EIF2B4: variants seen among roughly 807,000 people sequenced by gnomAD.
The protein encoded by EIF2B4 is translation initiation factor eIF2B subunit delta.
EIF2B4 carries 34 observed loss-of-function variants against 66.7 expected under a neutral mutation model. The observed-to-expected ratio is 0.51, with a 90% CI of 0.39 to 0.68. The LOEUF is 0.68. Among genes scored for constraint, EIF2B4 ranks in the 30% least tolerant of loss-of-function variants. The pLI, the probability that EIF2B4 is intolerant of heterozygous loss-of-function variation, is 0.00. For synonymous variants in EIF2B4, 278 were observed against 253.6 expected, an observed-to-expected ratio of 1.10 and a Z score of -0.92; for missense variants, 618 against 657.9, an observed-to-expected ratio of 0.94 and a Z score of 0.66.
In EIF2B4 at chr2:27,369,419, C is replaced by T; in HGVS notation, c.206G>A (p.Cys69Tyr). ...ETGSAVSAAQ[C>Y]QVGPTRELPE... Reference sequence around the variant, plus strand: ...AAAAGAGACCCCTCACTCACCTTGACATTGGGCTGCAGATACAGCAGAGCC... The same window carrying T: ...AAAAGAGACCCCTCACTCACCTTGATATTGGGCTGCAGATACAGCAGAGCC... Residue 69 changes from cysteine (C) to tyrosine (Y), a missense_variant, in exon 3 of 13, where the codon TGT (cysteine) becomes TAT (tyrosine). Transcript: ENST00000347454. The T allele has an allele frequency of 6.2e-7, 1 of 1,614,132 alleles. No homozygotes were observed. The highest frequency in any genetic ancestry group is 8.5e-7 in the Non-Finnish European group (1 of 1,180,024).
chr2:27,366,905 C>A lies in EIF2B4; in HGVS notation c.1045G>T (p.Ala349Ser). ...SSLVSRILQE[A>S]WTEGRRFRVV... Reference sequence around the variant, plus strand: ...CGAAACCGCCGGCCCTCTGTCCAAGCCTCCTGAAGAATTCGTGATACCAGA... The same window carrying A: ...CGAAACCGCCGGCCCTCTGTCCAAGACTCCTGAAGAATTCGTGATACCAGA... Residue 349 changes from alanine (A) to serine (S), a missense_variant, in exon 11 of 13, where the codon GCT becomes TCT. Transcript: ENST00000347454. 1.2e-6 allele frequency: 2 copies of A among 1,614,162 alleles called. No individual in the cohort carries two copies. Among genetic ancestry groups the A allele is most frequent in the Non-Finnish European group, 1.7e-6 (2 of 1,180,038 alleles).
intron 1 of EIF2B4, 35 bp from the exon 2 acceptor site, chr2:27,369,954 G>GA (rs762306812): frequency 1.9e-6 from 3 of 1,560,822 alleles, no homozygotes; most frequent in Non-Finnish European, 2.6e-6. Context: ...GTGAGCCAGA[G>GA]AGACTCCGGG....
intron 5 of EIF2B4, 70 bp from the exon 6 acceptor site, chr2:27,368,533 G>A: frequency 6.4e-7 from 1 of 1,559,514 alleles, no homozygotes; most frequent in Non-Finnish European, 8.8e-7. Context: ...TGGAAAGGAA[G>A]TGAACAGTAA....
intron 6 of EIF2B4, 101 bp downstream of exon 6, chr2:27,368,271 C>A: frequency 2.9e-6 from 4 of 1,359,432 alleles, no homozygotes; most frequent in Non-Finnish European, 4.2e-6. Context: ...TGGGTTCATA[C>A]TTTTTCCTAC....
At chr2:27,369,630 C>A in intron 2 of EIF2B4, 81 bp from the exon 3 acceptor site, 1 of 1,607,080 alleles carries the variant, frequency 6.2e-7, no homozygotes, top group South Asian at 1.1e-5. Flanking sequence ...ACAAGATTTC[C>A]ACATGGTTAA....
intron 5 of EIF2B4, 27 bp from the exon 6 acceptor site, chr2:27,368,490 A>G: frequency 1.3e-6 from 2 of 1,598,112 alleles, no homozygotes; most frequent in African/African-American, 1.3e-5. Flanking sequence ...AACAGGACCA[A>G]TGGCCCAGAG....
intron 7 of EIF2B4, 99 bp from the exon 8 acceptor site, chr2:27,367,921 G>A (rs1353436216): frequency 1.4e-6 from 2 of 1,474,966 alleles, no homozygotes; most frequent in Non-Finnish European, 1.9e-6. Context: ...TCTGAGGGTA[G>A]GAGTATTCCC....
At chr2:27,369,785 C>A in intron 2 of EIF2B4, 91 bp downstream of exon 2, 1 of 1,491,414 alleles carries the variant, frequency 6.7e-7, no homozygotes. Flanking sequence ...GAGAAATAAA[C>A]CGACACGGGA....
intron 6 of EIF2B4, 114 bp downstream of exon 6, chr2:27,368,258 C>T (rs1572606943): frequency 2.3e-6 from 3 of 1,321,574 alleles, no homozygotes; most frequent in Non-Finnish European, 3.2e-6. Context: ...TACAGTTCTG[C>T]CTTGGGTTCA....
In EIF2B4 at chr2:27,369,185, G is replaced by A. The variant is rs763729559; in HGVS notation, c.239C>T (p.Ser80Leu). ...CCGAGGAGTGCCCAACTGAATGCCC[G>A]ATTCTGGCAGTTCTCTGGTTGGGCC... Reference protein sequence around the residue: ...QVGPTRELPESGIQLGTPREK... With the variant: ...QVGPTRELPELGIQLGTPREK... The change falls in exon 4 of 13, where the codon TCG (serine) becomes TTG (leucine). Residue 80 changes from serine (S) to leucine (L), a missense_variant. This residue lies in a region of EIF2B4 where 506 missense variants were observed against 511.9 expected (regional missense o/e 0.99). Transcript: ENST00000347454. 2.5e-5 allele frequency: 41 copies of A among 1,612,372 alleles called. No individual in the cohort carries two copies. The highest frequency in any genetic ancestry group is 3.4e-5 in the Non-Finnish European group (40 of 1,179,938).
At chr2:27,368,540 G>A (rs1053334796) in intron 5 of EIF2B4, 77 bp from the exon 6 acceptor site, 2 of 1,551,430 alleles carry the variant, frequency 1.3e-6, no homozygotes, top group African/African-American at 1.4e-5. Flanking sequence ...GAAGTGAACA[G>A]TAAGACTACT....
intron 8 of EIF2B4, 62 bp from the exon 9 acceptor site, chr2:27,367,621 A>T: frequency 6.2e-7 from 1 of 1,601,268 alleles, no homozygotes; most frequent in Non-Finnish European, 8.6e-7. Flanking sequence ...AAGCCTTCAC[A>T]TTTAAAAAAA....
Position 27,367,113 on chromosome 2 carries a change from T to C in EIF2B4, c.974A>G (p.Gln325Arg). The C allele has an allele frequency of 5.6e-6, 9 of 1,614,244 alleles. No homozygotes were observed. Among genetic ancestry groups the C allele is most frequent in the Non-Finnish European group, 7.6e-6 (9 of 1,180,046 alleles). ...AAQAISRFAY[Q>R]KISNGDVILV... is the part of the protein sequence containing the mutation. ...GATCACATCTCCATTACTGATCTTC[T>C]GGTAAGCAAAGCGTGAAATTGCCTG... Residue 325 changes from glutamine to arginine, a missense_variant, in exon 10 of 13, where the codon CAG (glutamine) becomes CGG (arginine). Gln to Arg is a conservative substitution (Grantham distance 43). Around this residue, in one of 4 missense-constraint regions of EIF2B4, gnomAD observed 506 missense variants for 511.9 expected, o/e 0.99. Transcript: ENST00000347454.
At position 27,367,568 on chromosome 2, in the gene EIF2B4, C is replaced by A. The variant is rs751447134; in HGVS notation, c.783-9G>T. On this transcript the variant is annotated splice_polypyrimidine_tract_variant and intron_variant, in intron 8 of 12. Coordinates refer to ENST00000347454, the MANE Select transcript of EIF2B4 (RefSeq NM_001034116.2). ...GGCACTGAGTCAGGAAGCTATAATA[C>A]AACAGCAATACCTTATATCTGCGCA... The A allele has an allele frequency of 6.2e-7, 1 of 1,613,760 alleles. No individual in the cohort carries two copies.
chr2:27,366,470 G>C, intron 11 of EIF2B4: 1 of 439,820 alleles, frequency 2.3e-6, no homozygotes, highest in East Asian at 4.7e-5. Flanking sequence ...AACTGCTTGA[G>C]CCCAGGAGTT....
In EIF2B4 at chr2:27,364,469, G is replaced by A; in HGVS notation, c.1503C>T (p.Ile501=). The A allele has an allele frequency of 1.2e-6, 2 of 1,614,108 alleles. No homozygotes were observed. The highest frequency in any genetic ancestry group is 1.7e-6 in the Non-Finnish European group (2 of 1,180,018). ...TGCAAGGGATCATCCCCAGCTCCGT[G>A]ATCACCAGATCCACAAGCTCTGGGG... ...VTPPELVDLV[I]TELGMIPCSS... The change falls in exon 13 of 13, where the codon ATC becomes ATT. Residue 501 remains isoleucine (I), a synonymous_variant. Coordinates refer to ENST00000347454, the MANE Select transcript of EIF2B4 (RefSeq NM_001034116.2).
At chr2:27,367,934 T>TGAGG in intron 7 of EIF2B4, 91 bp downstream of exon 7, 7 of 1,471,808 alleles carry the variant, frequency 4.8e-6, no homozygotes, top group Non-Finnish European at 6.6e-6. Context: ...GTATTCCCTC[T>TGAGG]GTCCCCCAGA....
rs1376405729 is a variant in EIF2B4 at position 27,366,944 on chromosome 2, G to A, written c.1014-8C>T. 4 of 1,614,166 alleles carry A rather than the reference G, an allele frequency of 2.5e-6. No individual in the cohort carries two copies. Among genetic ancestry groups the A allele is most frequent in the South Asian group, 2.2e-5 (2 of 91,046 alleles). ...CGTGATACCAGAGATGAGCTAGAGTGAATGAAGAGGAGGATTCAGTTATAA... is the reference window on the plus strand; with the variant it reads ...CGTGATACCAGAGATGAGCTAGAGTAAATGAAGAGGAGGATTCAGTTATAA... On this transcript the variant is annotated splice_region_variant and splice_polypyrimidine_tract_variant and intron_variant, in intron 10 of 12. Coordinates refer to ENST00000347454, the MANE Select transcript of EIF2B4 (RefSeq NM_001034116.2).
intron 1 of EIF2B4, 97 bp downstream of exon 1, chr2:27,370,187 C>G (rs1682297915): frequency 1.3e-6 from 2 of 1,543,084 alleles, no homozygotes; most frequent in Non-Finnish European, 1.7e-6. Context: ...GGCGCTGGAA[C>G]GGAGCGGCGG....
Sources: gnomAD v4.1 joint callset for allele counts on GRCh38, gnomAD v4.1.1 for gene constraint, gnomAD v4.1.1 regional missense constraint, MANE v1.5 for transcripts, NCBI Gene and HGNC (gene_info 2026-07-23, HGNC 2026-07-21) for gene names.